The following NEU4 variants were observed in gnomAD, a reference collection of about 807,000 sequenced individuals.
The protein encoded by NEU4 is sialidase-4.
A neutral mutation model predicts 9.9 loss-of-function variants in NEU4; 7 were observed. That is an observed-to-expected ratio of 0.71 (90% CI 0.40 to 1.33). The LOEUF (loss-of-function observed/expected upper bound fraction) is 1.33. Ranked by LOEUF, NEU4 falls within the 40% of genes most tolerant of loss-of-function variation. The pLI is 0.01. For synonymous variants in NEU4, 348 were observed against 316.9 expected (o/e 1.10, Z -1.04); for missense variants, 717 against 712.6 (o/e 1.01, Z -0.07).
chr2:241,809,373 G>T, intron 1 of NEU4, 99 bp downstream of exon 1: 1 of 590,120 alleles, frequency 1.7e-6, no homozygotes, highest in Non-Finnish European at 2.7e-6. Context: ...TCCGGGCTGT[G>T]CATTGAGAAG....
chr2:241,811,651 C>T (rs965333332), intron 1 of NEU4: 31 of 425,544 alleles, frequency 7.3e-5, no homozygotes, highest in African/African-American at 4.7e-4. Flanking sequence ...GCAGGGATTC[C>T]GAGGGCCCCT....
Position 241,817,025 on chromosome 2 carries a change from C to T in NEU4, c.1432C>T (p.Arg478Trp), listed in dbSNP as rs779287602. 190 of 1,599,604 alleles carry T rather than the reference C, an allele frequency of 1.2e-4. No individual in the cohort carries two copies. Among genetic ancestry groups the T allele is most frequent in the Middle Eastern group, 1.7e-4 (1 of 5,992 alleles). Reference sequence around the variant, plus strand: ...ACCGCCCAACCTTGGGGACAAGCCTCGGGGGTGCTGCTGGCCCTCCTGACA... The same window carrying T: ...ACCGCCCAACCTTGGGGACAAGCCTTGGGGGTGCTGCTGGCCCTCCTGACA... ...PKPPNLGDKPRGCCWPS is the reference protein window; with the variant it reads ...PKPPNLGDKPWGCCWPS The change falls in exon 4 of 4, where the codon CGG (arginine) becomes TGG (tryptophan). Residue 478 changes from arginine (R) to tryptophan (W), a missense_variant. Coordinates refer to ENST00000407683, the MANE Select transcript of NEU4 (RefSeq NM_001167600.3).
intron 3 of NEU4, 198 bp from the exon 4 acceptor site, chr2:241,815,853 C>A (rs1700308105): frequency 1.6e-6 from 1 of 623,440 alleles, no homozygotes; most frequent in Non-Finnish European, 2.8e-6. Context: ...CTGGGCTCGG[C>A]TGCTAAGGGC....
rs775129935 is a variant in NEU4, at chr2:241,817,067, C to G, written c.*19C>G. 6.4e-7 allele frequency: 1 copy of G among 1,555,592 alleles called. No homozygotes were observed. Among genetic ancestry groups the G allele is most frequent in the South Asian group, 1.2e-5 (1 of 80,244 alleles). ...CTCCTGACAGGCCTTCTGGCCGTGC[C>G]CATGCCCCTTGGGTGCCTGGGGCAG... On this transcript the variant is annotated 3_prime_UTR_variant, in exon 4 of 4. Transcript: ENST00000407683.
At chr2:241,815,962 C>T (rs2125218025) in intron 3 of NEU4, 89 bp from the exon 4 acceptor site, 1 of 1,297,748 alleles carries the variant, frequency 7.7e-7, no homozygotes, top group East Asian at 2.5e-5. Flanking sequence ...AGGCACCAGC[C>T]CCTCCTTCCC....
chr2:241,812,780 G>A (rs1308165022), intron 1 of NEU4, among the ~76,000 whole-genome samples: 3 of 149,634 alleles, frequency 2.0e-5, no homozygotes, highest in Non-Finnish European at 4.5e-5. Context: ...GTGACCAGCT[G>A]GTTTCTGGAG....
Position 241,816,308 on chromosome 2 carries a change from T to C in NEU4, c.715T>C (p.Cys239Arg). The C allele has an allele frequency of 6.3e-7, 1 of 1,576,898 alleles. No individual in the cohort carries two copies. Among genetic ancestry groups the C allele is most frequent in the Non-Finnish European group, 8.6e-7 (1 of 1,163,080 alleles). The change falls in exon 4 of 4, where the codon TGC (cysteine) becomes CGC (arginine). Residue 239 changes from cysteine to arginine, a missense_variant. Transcript: ENST00000407683. ...DGGQAGSFLYCNARSPLGSRV... is the reference protein window; with the variant it reads ...DGGQAGSFLYRNARSPLGSRV... ...TGGGCAGGCCGGCAGCTTCCTCTAC[T>C]GCAATGCCCGGAGCCCACTGGGCAG...
chr2:241,811,375 C>T, intron 1 of NEU4: 1 of 1,483,298 alleles, frequency 6.7e-7, no homozygotes, highest in Admixed American at 2.1e-5. Context: ...CCCTGGCCTG[C>T]TGCCCGCACA....
rs772573513 is a variant in NEU4 at position 241,814,943 on chromosome 2, A to T, written c.253A>T (p.Met85Leu). Reference protein sequence around the residue: ...GTAALAEHRSMNPCPVHDAGT... With the variant: ...GTAALAEHRSLNPCPVHDAGT... ...AGCAGCCCTGGCGGAGCACCGGTCC[A>T]TGAACCCCTGCCCTGTGCACGATGC... The change falls in exon 3 of 4, where the codon ATG (methionine) becomes TTG (leucine). Residue 85 changes from methionine to leucine, a missense_variant. By Grantham distance (15) the Met-to-Leu change is conservative (BLOSUM62 2). Coordinates refer to ENST00000407683, the MANE Select transcript of NEU4 (RefSeq NM_001167600.3). 1.9e-6 allele frequency: 3 copies of T among 1,612,002 alleles called. No individual in the cohort carries two copies. Among genetic ancestry groups the T allele is most frequent in the Non-Finnish European group, 2.5e-6 (3 of 1,179,804 alleles).
intron 1 of NEU4, chr2:241,813,330 T>C (rs913842637): frequency 2.9e-5 from 31 of 1,050,878 alleles, no homozygotes; most frequent in African/African-American, 3.5e-5. Context: ...CTCCTTCCCT[T>C]AGCCCCGCAT....
rs1005360134 is a variant in NEU4 at position 241,817,324 on chromosome 2, G to C, written c.*276G>C. ...TCCGAGGCTGCAGGGCCAGGCGCGG[G>C]ACCGCAGGTAGCCCAGGGTGTTGTG... On this transcript the variant is annotated 3_prime_UTR_variant, in exon 4 of 4. Coordinates refer to ENST00000407683, the MANE Select transcript of NEU4 (RefSeq NM_001167600.3). The C allele has an allele frequency of 2.2e-6, 1 of 460,730 alleles. No homozygotes were observed. The highest frequency in any genetic ancestry group is 2.0e-5 in the African/African-American group (1 of 49,998). The allele number at this position is 460,730 out of a possible 1,614,324, so 28.5% of individuals were successfully genotyped here. A position where few individuals can be genotyped will look rare whatever the true frequency, so the allele number is the denominator to read the frequency against.
In NEU4 at chr2:241,815,242, C is replaced by T. The variant is rs148351655; in HGVS notation, c.457+95C>T. On this transcript the variant is annotated intron_variant, in intron 3 of 3. Coordinates refer to ENST00000407683, the MANE Select transcript of NEU4 (RefSeq NM_001167600.3). Reference sequence around the variant, plus strand: ...GGGAAATTGCCATTCTGCCCCACCCCTGTCTCCAGCCACAAGGGAACCAAC... The same window carrying T: ...GGGAAATTGCCATTCTGCCCCACCCTTGTCTCCAGCCACAAGGGAACCAAC... 74 of 1,394,442 alleles carry T rather than the reference C, an allele frequency of 5.3e-5. No homozygotes were observed. The East Asian group carries it at 1.7e-3, about 33-fold the overall frequency. The allele number at this position is 1,394,442 out of a possible 1,614,324, so 86.4% of individuals were successfully genotyped here.
chr2:241,814,034 A>G (rs371266588), intron 1 of NEU4: 36 of 422,678 alleles, frequency 8.5e-5, no homozygotes, highest in African/African-American at 7.1e-4. Context: ...TGTGGCCTCT[A>G]TTCTGGGGAC....
At chr2:241,811,178 A>T in intron 1 of NEU4, 1 of 1,229,386 alleles carries the variant, frequency 8.1e-7, no homozygotes. Flanking sequence ...TGGAGGGCGC[A>T]CCCCCGTGTC....
At chr2:241,809,717 A>T in intron 1 of NEU4, 1 of 163,270 alleles carries the variant, frequency 6.1e-6, no homozygotes, top group Middle Eastern at 3.1e-3. Context: ...AGTGGGTGGC[A>T]CCTGAGGGCA....
At chr2:241,809,357 A>G (rs1446851922) in intron 1 of NEU4, 83 bp downstream of exon 1, 1 of 769,112 alleles carries the variant, frequency 1.3e-6, no homozygotes, top group Non-Finnish European at 1.9e-6. Flanking sequence ...TGTTGAGAAC[A>G]GCCTGTCCGG....
chr2:241,814,489 G>C lies in NEU4; in HGVS notation c.5G>C (p.Gly2Ala). The change falls in exon 2 of 4, where the codon GGG (glycine) becomes GCG (alanine). Residue 2 changes from glycine (G) to alanine (A), a missense_variant. Coordinates refer to ENST00000407683, the MANE Select transcript of NEU4 (RefSeq NM_001167600.3). ...CCCTGTACTGACCAGCAGAGCATGG[G>C]GGTCCCTCGTACCCCTTCACGGACA... M[G>A]VPRTPSRTVL... The C allele has an allele frequency of 6.2e-7, 1 of 1,610,884 alleles. No individual in the cohort carries two copies.
At chr2:241,811,738 C>G (rs970340670) in intron 1 of NEU4, 4 of 383,464 alleles carry the variant, frequency 1.0e-5, no homozygotes, top group African/African-American at 8.3e-5. Flanking sequence ...CTGAGGGTTC[C>G]TGGGGGCAGA....
rs764111376 is a variant in NEU4, at chr2:241,816,077, G to A, written c.484G>A (p.Gly162Ser). ...QDWATFAVGP[G>S]HGVQLPSGRL... ...CTGGGCCACATTCGCTGTGGGTCCC[G>A]GCCACGGTGTGCAGCTGCCCTCAGG... Residue 162 changes from glycine to serine, a missense_variant, in exon 4 of 4, where the codon GGC (glycine) becomes AGC (serine). Gly to Ser is a moderately conservative substitution (Grantham distance 56, BLOSUM62 0). Transcript: ENST00000407683. 33 of 1,608,394 alleles carry A rather than the reference G, an allele frequency of 2.1e-5. No individual in the cohort carries two copies. The highest frequency in any genetic ancestry group is 6.7e-5 in the East Asian group (3 of 44,742).
Sources: allele counts gnomAD v4.1 joint callset (sites outside exome capture counted in the v4.1 genomes callset), GRCh38; gene constraint gnomAD v4.1.1; transcripts MANE v1.5; gene names NCBI Gene and HGNC (gene_info 2026-07-23, HGNC 2026-07-21).